KALRN: variants seen among roughly 807,000 people sequenced by gnomAD.
KALRN encodes the protein kalirin RhoGEF kinase, also known as kalirin.
A neutral mutation model predicts 353.7 loss-of-function variants in KALRN; 70 were observed. The ratio of observed to expected loss-of-function variants is 0.20; its 90% CI spans 0.16 to 0.24. KALRN has a LOEUF of 0.24. KALRN is among the 10% of genes least tolerant of loss of function. The pLI is 1.00. For missense variants in KALRN, 2,791 were observed against 3,756.7 expected, an observed-to-expected ratio of 0.74 and a Z score of 6.72; for synonymous variants, 1,391 against 1,434.8, an observed-to-expected ratio of 0.97 and a Z score of 0.69.
chr3:124,455,964 A>C (rs1418846693), intron 22 of KALRN, among the ~76,000 whole-genome samples: 1 of 152,220 alleles, frequency 6.6e-6, no homozygotes, highest in African/African-American at 2.4e-5. Flanking sequence ...CATGATCTGA[A>C]GCAGAGCAGC....
chr3:124,619,798 T>C lies in KALRN; in HGVS notation c.5183-12622T>C, dbSNP rs184135247. ...CACTGCGCCCAGCCTGATTATTCTATTTTTAATTTCTTTAGGAACCTACAT... is the reference window on the plus strand; with the variant it reads ...CACTGCGCCCAGCCTGATTATTCTACTTTTAATTTCTTTAGGAACCTACAT... On this transcript the variant is annotated intron_variant, in intron 34 of 59. Coordinates refer to ENST00000682506, the MANE Select transcript of KALRN (RefSeq NM_001388419.1). Among the ~76,000 whole-genome samples the C allele has an allele frequency of 4.1e-4, 62 of 152,178 alleles. No individual in the cohort carries two copies. In the East Asian group the frequency reaches 6.6e-3, roughly 16 times the overall value.
chr3:124,547,422 C>T (rs2069827535), intron 33 of KALRN, among the ~76,000 whole-genome samples: 1 of 152,142 alleles, frequency 6.6e-6, no homozygotes, highest in Non-Finnish European at 1.5e-5. Context: ...AAGCAATCCC[C>T]CCACCTCAGC....
chr3:124,441,938 T>C lies in KALRN; in HGVS notation c.3199-7T>C. ...GGACAGGGGCCTCACAGCTTTGTCT[T>C]TCGCAGGCCTGCACCCTGGCTCGGC... On this transcript the variant is annotated splice_polypyrimidine_tract_variant and splice_region_variant and intron_variant, in intron 18 of 59. Transcript: ENST00000682506. 1 of 1,550,510 alleles carries C rather than the reference T, an allele frequency of 6.4e-7. No homozygotes were observed. The highest frequency in any genetic ancestry group is 2.4e-5 in the East Asian group (1 of 42,056).
At chr3:124,625,352 A>G (rs1160073761) in intron 34 of KALRN, among the ~76,000 whole-genome samples, 1 of 152,170 alleles carries the variant, frequency 6.6e-6, no homozygotes, top group Admixed American at 6.6e-5. Flanking sequence ...ACTAAGTCCA[A>G]TCCACAGTGA....
intron 5 of KALRN, among the ~76,000 whole-genome samples, chr3:124,290,468 A>C (rs2076324309): frequency 6.6e-6 from 1 of 152,214 alleles, no homozygotes; most frequent in African/African-American, 2.4e-5. Flanking sequence ...AAACAAAGGC[A>C]GTAGGGGCAG....
chr3:124,680,980 G>A (rs929234083), intron 51 of KALRN, among the ~76,000 whole-genome samples: 2 of 152,186 alleles, frequency 1.3e-5, no homozygotes, highest in African/African-American at 4.8e-5. Flanking sequence ...TGTAGATACT[G>A]GGTGGCACCT....
chr3:124,341,113 C>A (rs1028479013), intron 9 of KALRN, among the ~76,000 whole-genome samples: 14 of 152,314 alleles, frequency 9.2e-5, no homozygotes, highest in Admixed American at 8.5e-4. Flanking sequence ...GGGAATTATG[C>A]ATAATGGCTG....
intron 4 of KALRN, among the ~76,000 whole-genome samples, chr3:124,265,047 T>C (rs2073339924): frequency 6.6e-6 from 1 of 152,192 alleles, no homozygotes; most frequent in South Asian, 2.1e-4. Flanking sequence ...GTTGTACATA[T>C]TTTTGGGTAC....
chr3:124,659,936 G>A (rs2084614555), intron 43 of KALRN, among the ~76,000 whole-genome samples: 1 of 149,600 alleles, frequency 6.7e-6, no homozygotes, highest in African/African-American at 2.4e-5. Context: ...AGTATAATAT[G>A]TATGTATATA....
intron 1 of KALRN, among the ~76,000 whole-genome samples, chr3:124,124,408 G>T (rs1391878002): frequency 6.6e-6 from 1 of 152,228 alleles, no homozygotes; most frequent in African/African-American, 2.4e-5. Flanking sequence ...GATGAGCAAA[G>T]AAAGTGGTTT....
rs2150681348 is a variant in KALRN, at chr3:124,446,895, A to G, written c.3552+10A>G. ...CAGGGTGCCTGCCAAGGTAGGAAAC[A>G]TCCCAGAGCCTCCCCCAGATCCACC... On this transcript the variant is annotated intron_variant, in intron 21 of 59. Transcript: ENST00000682506. The G allele has an allele frequency of 6.2e-7, 1 of 1,613,982 alleles. No homozygotes were observed. Among genetic ancestry groups the G allele is most frequent in the Non-Finnish European group, 8.5e-7 (1 of 1,179,926 alleles).
At chr3:124,228,815 C>A (rs2078857259) in intron 2 of KALRN, among the ~76,000 whole-genome samples, 1 of 152,180 alleles carries the variant, frequency 6.6e-6, no homozygotes, top group African/African-American at 2.4e-5. Flanking sequence ...TAGGGGTCAG[C>A]AGGGCTGTGC....
intron 1 of KALRN, among the ~76,000 whole-genome samples, chr3:124,092,974 T>C (rs2061211198): frequency 6.6e-6 from 1 of 151,978 alleles, no homozygotes; most frequent in South Asian, 2.1e-4. Flanking sequence ...CACACTGGAG[T>C]CTTGTCCATT....
rs201928579 is a variant in KALRN, at chr3:124,473,271, C to T, written c.4032-1392C>T. Among the ~76,000 whole-genome samples, 13 of 152,304 alleles carry T rather than the reference C, an allele frequency of 8.5e-5. No homozygotes were observed. The East Asian group carries it at 2.1e-3, about 25-fold the overall frequency. On this transcript the variant is annotated intron_variant, in intron 25 of 59. Transcript: ENST00000682506. ...AGTTAGTCAAATAACATTTTTCCCT[C>T]TATGGTACAGGTAAGTAGTAGAGTA...
chr3:124,440,511 T>G (rs1264586322), intron 18 of KALRN, among the ~76,000 whole-genome samples: 1 of 152,080 alleles, frequency 6.6e-6, no homozygotes, highest in African/African-American at 2.4e-5. Flanking sequence ...TCTGTGTTCA[T>G]GGACACACCA....
At chr3:124,159,656 A>C (rs1174372546) in intron 1 of KALRN, among the ~76,000 whole-genome samples, 1 of 151,224 alleles carries the variant, frequency 6.6e-6, no homozygotes, top group Non-Finnish European at 1.5e-5. Context: ...CTAGCTGTGC[A>C]GTAGCCCATT....
chr3:124,041,749 C>G (rs1389721182), intron 1 of KALRN, among the ~76,000 whole-genome samples: 2 of 152,188 alleles, frequency 1.3e-5, no homozygotes, highest in Admixed American at 6.5e-5. Flanking sequence ...TCCTGCCACT[C>G]CTTTGTGTAT....
At chr3:124,300,963 C>G (rs1453184342) in intron 6 of KALRN, among the ~76,000 whole-genome samples, 1 of 152,206 alleles carries the variant, frequency 6.6e-6, no homozygotes, top group Non-Finnish European at 1.5e-5. Flanking sequence ...AACGTGAACT[C>G]AAATCTAGTC....
rs1343649581 is a variant in KALRN at position 124,202,252 on chromosome 3, G to T, written c.74-25738G>T. Among the ~76,000 whole-genome samples the T allele has an allele frequency of 5.3e-5, 8 of 152,080 alleles. No individual in the cohort carries two copies. The East Asian group carries it at 5.8e-4, about 11-fold the overall frequency. On this transcript the variant is annotated intron_variant, in intron 1 of 59. Coordinates refer to ENST00000682506, the MANE Select transcript of KALRN (RefSeq NM_001388419.1). ...GCAGCCACTTCACTTTAGTTTTTTT[G>T]TTTGTTTTGTTTTTTTGAGACTGGG... is the stretch of plus-strand genomic sequence containing the variant.
Sources: gnomAD v4.1 joint callset for allele counts (sites outside exome capture counted in the v4.1 genomes callset) on GRCh38, gnomAD v4.1.1 for gene constraint, MANE v1.5 for transcripts, NCBI Gene and HGNC (gene_info 2026-07-23, HGNC 2026-07-21) for gene names.